The following RHD variants were observed in gnomAD, a reference collection of about 807,000 sequenced individuals.
RHD encodes the protein Rh blood group D antigen, also known as blood group Rh(D) polypeptide.
A neutral mutation model predicts 45.5 loss-of-function variants in RHD; 16 were observed. The ratio of observed to expected loss-of-function variants is 0.35; its 90% confidence interval spans 0.24 to 0.53. The LOEUF (loss-of-function observed/expected upper bound fraction) is 0.53. RHD is among the 20% of genes least tolerant of loss of function. RHD has a pLI of 0.92. For missense variants in RHD, 306 were observed against 532.0 expected (o/e 0.58, Z 4.18); for synonymous variants, 131 against 217.5 (o/e 0.60, Z 3.50).
chr1:25,303,755 G>A lies in RHD; in HGVS notation c.939+296G>A, dbSNP rs1186342491. Among the ~76,000 whole-genome samples the A allele has an allele frequency of 2.9e-4, 38 of 131,308 alleles. 4 individuals are homozygous for A. Among genetic ancestry groups the A allele is most frequent in the African/African-American group, 9.2e-4 (35 of 37,968 alleles). 86.1% of individuals were successfully genotyped at this position (131,308 alleles called of 152,430 possible). On this transcript the variant is annotated intron_variant, in intron 6 of 9. Transcript: ENST00000328664. The stretch of plus-strand genomic sequence containing the variant: ...GGACTGGAGTGTTGTGGGGAGCCCC[G>A]AAGCCCCTGTTTTACTTCTTTCTTT...
At chr1:25,298,646 A>G (rs1185821690) in intron 3 of RHD, among the ~76,000 whole-genome samples, 1 of 131,828 alleles carries the variant, frequency 7.6e-6, no homozygotes, top group African/African-American at 2.6e-5. Context: ...TTTCCTCTTT[A>G]TGTATGACTG....
chr1:25,305,239 T>G (rs28558364), intron 6 of RHD, among the ~76,000 whole-genome samples: 1,776 of 131,196 alleles, frequency 0.014, 289 homozygotes, highest in African/African-American at 0.042. Flanking sequence ...AAGCTTATTG[T>G]TAAGAAGAGT....
chr1:25,277,710 C>G (rs1641132793), intron 1 of RHD, among the ~76,000 whole-genome samples: 1 of 126,170 alleles, frequency 7.9e-6, no homozygotes, highest in Non-Finnish European at 1.9e-5. Context: ...GAGTTTTGCT[C>G]TTATTGCCCA....
At position 25,293,626 on chromosome 1, in the gene RHD, T is replaced by G. The variant is rs1174341271; in HGVS notation, c.486+2835T>G. Among the ~76,000 whole-genome samples, 3 of 131,386 alleles carry G rather than the reference T, an allele frequency of 2.3e-5. 1 individual carries two copies. The highest frequency in any genetic ancestry group is 3.6e-5 in the Non-Finnish European group (2 of 55,690). 86.2% of individuals were successfully genotyped at this position (131,386 alleles called of 152,430 possible). A position where few individuals can be genotyped will look rare whatever the true frequency, so the allele number is the denominator to read the frequency against. On this transcript the variant is annotated intron_variant, in intron 3 of 9. Transcript: ENST00000328664. ...GCGTTTCTTCCTAGGATTTAGAAAT[T>G]TATAATATGAGATAGCAGCATTTCC...
chr1:25,285,591 G>A (rs1374307131), intron 2 of RHD, among the ~76,000 whole-genome samples: 1 of 135,170 alleles, frequency 7.4e-6, no homozygotes, highest in Non-Finnish European at 1.8e-5. Context: ...GGTGCCAGAA[G>A]TCAGAATAGT....
rs28600917 is a variant in RHD, at chr1:25,315,590, A to G, written c.1074-1410A>G. On this transcript the variant is annotated intron_variant, in intron 7 of 9. Coordinates refer to ENST00000328664, the MANE Select transcript of RHD (RefSeq NM_016124.6). ...CAGCTCACTGCAAACTCCACCTCCCAGGTTCACGCCGTTCTCCTGCCTCAG... is the reference window on the plus strand; with the variant it reads ...CAGCTCACTGCAAACTCCACCTCCCGGGTTCACGCCGTTCTCCTGCCTCAG... 8.3e-4 allele frequency among the ~76,000 whole-genome samples: 101 copies of G among 121,194 alleles called. 22 individuals carry two copies. The highest frequency in any genetic ancestry group is 4.3e-3 in the Middle Eastern group (1 of 230). The allele number at this position is 121,194 out of a possible 152,430, so 79.5% of individuals were successfully genotyped here.
chr1:25,321,835 G>T, intron 8 of RHD, 54 bp from the exon 9 acceptor site: 2 of 900,538 alleles, frequency 2.2e-6, no homozygotes, highest in South Asian at 1.4e-5. Flanking sequence ...TTAATCTTGA[G>T]ATTAAAAATC....
At chr1:25,276,532 T>TAAAAAAAAAATAAAAAAAAAA (rs1640997965) in intron 1 of RHD, among the ~76,000 whole-genome samples, 1 of 64,786 alleles carries the variant, frequency 1.5e-5, no homozygotes, top group African/African-American at 7.2e-5. Flanking sequence ...CCCCCATCTC[T>TAAAAAAAAAATAAAAAAAAAA]AAAAAAAAAA....
rs1642986201 is a variant in RHD at position 25,296,663 on chromosome 1, T to A, written c.487-4283T>A. ...GAGGTGATTGGATCACAGGGGTGGT[T>A]TCCCCCATGCTGTTCTTGTGACAGT... On this transcript the variant is annotated intron_variant, in intron 3 of 9. Coordinates refer to ENST00000328664, the MANE Select transcript of RHD (RefSeq NM_016124.6). 1.5e-5 allele frequency among the ~76,000 whole-genome samples: 2 copies of A among 130,860 alleles called. 1 individual carries two copies. 85.8% of individuals were successfully genotyped at this position (130,860 alleles called of 152,430 possible).
intron 4 of RHD, 108 bp from the exon 5 acceptor site, chr1:25,301,412 G>C: frequency 9.5e-7 from 1 of 1,056,668 alleles, no homozygotes. Flanking sequence ...AACTCTAAGT[G>C]ACAAGGCTGA....
At chr1:25,321,487 T>C (rs1395876095) in intron 8 of RHD, among the ~76,000 whole-genome samples, 3 of 100,822 alleles carry the variant, frequency 3.0e-5, no homozygotes, top group African/African-American at 1.0e-4. Context: ...ATGGTGAAAC[T>C]CCATCTCTAC....
chr1:25,318,507 G>C (rs1439954370), intron 8 of RHD, among the ~76,000 whole-genome samples: 1 of 131,350 alleles, frequency 7.6e-6, no homozygotes, highest in African/African-American at 2.6e-5. Context: ...GGAATGGCTT[G>C]ACCCCAGGAG....
At chr1:25,274,974 C>A (rs1640825206) in intron 1 of RHD, among the ~76,000 whole-genome samples, 1 of 131,436 alleles carries the variant, frequency 7.6e-6, no homozygotes, top group Admixed American at 7.4e-5. Flanking sequence ...AAAACAACAA[C>A]AAGAACAACA....
intron 7 of RHD, among the ~76,000 whole-genome samples, chr1:25,312,456 G>C (rs1236765786): frequency 8.0e-6 from 1 of 125,242 alleles, no homozygotes; most frequent in Non-Finnish European, 1.9e-5. Context: ...TTAAGACTTT[G>C]GGGGTTGTCT....
chr1:25,277,761 A>T (rs28661958), intron 1 of RHD, among the ~76,000 whole-genome samples: 1 of 115,830 alleles, frequency 8.6e-6, no homozygotes, highest in Non-Finnish European at 2.0e-5. Flanking sequence ...CGCAACCTCC[A>T]CCTCCCAGGT....
At chr1:25,318,423 A>G (rs796136321) in intron 8 of RHD, among the ~76,000 whole-genome samples, 5 of 131,282 alleles carry the variant, frequency 3.8e-5, no homozygotes, top group African/African-American at 7.8e-5. Flanking sequence ...CCCTGTCTCT[A>G]CCAGAAATAC....
chr1:25,299,180 G>A (rs1406273672), intron 3 of RHD, among the ~76,000 whole-genome samples: 1 of 127,296 alleles, frequency 7.9e-6, no homozygotes, highest in East Asian at 2.0e-4. Context: ...TCAGGAGTTC[G>A]AGACCAGGCT....
At chr1:25,316,748 G>T (rs1268380622) in intron 7 of RHD, among the ~76,000 whole-genome samples, 1 of 114,224 alleles carries the variant, frequency 8.8e-6, no homozygotes, top group Non-Finnish European at 2.1e-5. Flanking sequence ...CTCCTGGTCT[G>T]GTTCATTATC....
intron 7 of RHD, among the ~76,000 whole-genome samples, chr1:25,313,146 G>A (rs1644258989): frequency 7.9e-6 from 1 of 126,488 alleles, no homozygotes; most frequent in South Asian, 2.5e-4. Flanking sequence ...TCATCAGGGT[G>A]GGGCCCCTAT....
Sources: allele counts gnomAD v4.1 joint callset (sites outside exome capture counted in the v4.1 genomes callset), GRCh38; gene constraint gnomAD v4.1.1; transcripts MANE v1.5; gene names NCBI Gene and HGNC (gene_info 2026-07-23, HGNC 2026-07-21).